Variants in SLC25A48 observed in about 807,000 individuals in gnomAD.
SLC25A48 encodes the protein solute carrier family 25 member 48.
A neutral mutation model predicts 32.2 loss-of-function variants in SLC25A48; 29 were observed. The ratio of observed to expected loss-of-function variants is 0.90; its 90% confidence interval spans 0.67 to 1.23. SLC25A48 has a LOEUF of 1.23. Ranked by LOEUF, SLC25A48 falls within the 50% of genes most tolerant of loss-of-function variation. SLC25A48 has a pLI of 0.00. For missense variants in SLC25A48, 399 were observed against 422.7 expected (o/e 0.94, Z 0.49); for synonymous variants, 164 against 172.3 (o/e 0.95, Z 0.38).
intron 7 of SLC25A48, among the ~76,000 whole-genome samples, chr5:135,886,515 CA>C (rs979331740): frequency 4.8e-5 from 7 of 146,060 alleles, no homozygotes; most frequent in African/African-American, 1.0e-4. Context: ...CTGGAGAGGG[CA>C]ATCTTGTGGA....
intron 3 of SLC25A48, among the ~76,000 whole-genome samples, chr5:135,753,214 C>T (rs575817544): frequency 6.6e-6 from 1 of 151,822 alleles, no homozygotes; most frequent in African/African-American, 2.4e-5. Context: ...ATGTGTACAC[C>T]CACTGTGATA....
chr5:135,678,046 C>G (rs1315539783), intron 3 of SLC25A48, among the ~76,000 whole-genome samples: 1 of 152,162 alleles, frequency 6.6e-6, no homozygotes, highest in African/African-American at 2.4e-5. Context: ...CCTCCTGTAT[C>G]TGGATGTCTA....
chr5:135,793,834 C>T (rs1264859605), intron 3 of SLC25A48, among the ~76,000 whole-genome samples: 35 of 150,988 alleles, frequency 2.3e-4, no homozygotes, highest in Non-Finnish European at 4.9e-4. Context: ...TGTGTACACT[C>T]TGGGATATTA....
At chr5:135,687,558 A>T (rs1209614645) in intron 3 of SLC25A48, among the ~76,000 whole-genome samples, 3 of 152,084 alleles carry the variant, frequency 2.0e-5, no homozygotes, top group Non-Finnish European at 2.9e-5. Flanking sequence ...AATTCAGGTC[A>T]AGTCTTTTTT....
At chr5:135,708,116 G>A (rs1463204628) in intron 3 of SLC25A48, among the ~76,000 whole-genome samples, 1 of 152,164 alleles carries the variant, frequency 6.6e-6, no homozygotes, top group African/African-American at 2.4e-5. Context: ...GGCAGCAGGG[G>A]CCTGGGATAG....
intron 3 of SLC25A48, among the ~76,000 whole-genome samples, chr5:135,753,607 C>G (rs901331716): frequency 1.3e-5 from 2 of 151,502 alleles, no homozygotes; most frequent in Non-Finnish European, 2.9e-5. Flanking sequence ...CCTGATATAA[C>G]AGGGTGTACA....
intron 4 of SLC25A48, among the ~76,000 whole-genome samples, chr5:135,853,246 T>C (rs1467589766): frequency 6.6e-6 from 1 of 152,134 alleles, no homozygotes; most frequent in African/African-American, 2.4e-5. Context: ...CTGATCAGGG[T>C]TGTTGTTGCT....
intron 3 of SLC25A48, among the ~76,000 whole-genome samples, chr5:135,639,117 T>A (rs1056381656): frequency 6.6e-6 from 1 of 152,206 alleles, no homozygotes; most frequent in African/African-American, 2.4e-5. Flanking sequence ...AAAAATGATA[T>A]TCAGATACCA....
chr5:135,716,922 C>A (rs1439868371), intron 3 of SLC25A48, among the ~76,000 whole-genome samples: 1 of 152,170 alleles, frequency 6.6e-6, no homozygotes, highest in African/African-American at 2.4e-5. Flanking sequence ...CTAATCACTC[C>A]TTCCCATAAA....
At chr5:135,756,443 G>A (rs1350461565) in intron 3 of SLC25A48, among the ~76,000 whole-genome samples, 2 of 152,062 alleles carry the variant, frequency 1.3e-5, no homozygotes, top group Non-Finnish European at 2.9e-5. Context: ...CCAGGCCAAG[G>A]TGGGTGGATC....
Position 135,888,061 on chromosome 5 carries a change from C to T in SLC25A48, c.*37C>T. The T allele has an allele frequency of 6.4e-7, 1 of 1,551,624 alleles. No individual in the cohort carries two copies. The highest frequency in any genetic ancestry group is 2.4e-5 in the East Asian group (1 of 40,924). Reference sequence around the variant, plus strand: ...TGAACACAGGATGACTACAGTGTTCCCTGGGCCTCATCTCTGCATGTGAAG... The same window carrying T: ...TGAACACAGGATGACTACAGTGTTCTCTGGGCCTCATCTCTGCATGTGAAG... On this transcript the variant is annotated 3_prime_UTR_variant, in exon 8 of 8. Transcript: ENST00000681962.
intron 3 of SLC25A48, among the ~76,000 whole-genome samples, chr5:135,772,518 G>A (rs917448961): frequency 9.9e-5 from 15 of 151,542 alleles, no homozygotes; most frequent in African/African-American, 2.9e-4. Context: ...ATATTGCAGC[G>A]AGTGTACGCC....
intron 4 of SLC25A48, among the ~76,000 whole-genome samples, chr5:135,814,624 C>T (rs1285266300): frequency 2.0e-5 from 3 of 152,192 alleles, no homozygotes; most frequent in Non-Finnish European, 4.4e-5. Context: ...GCACAGGCTC[C>T]GGAGTCAGAG....
chr5:135,859,498 C>G (rs1008776873), intron 4 of SLC25A48, among the ~76,000 whole-genome samples: 1 of 152,184 alleles, frequency 6.6e-6, no homozygotes, highest in Non-Finnish European at 1.5e-5. Flanking sequence ...AATCATATCG[C>G]CTCCCCTGGC....
At chr5:135,785,512 C>A (rs1169146137) in intron 3 of SLC25A48, among the ~76,000 whole-genome samples, 1 of 145,208 alleles carries the variant, frequency 6.9e-6, no homozygotes, top group Non-Finnish European at 1.5e-5. Flanking sequence ...CACCATGGGG[C>A]AGGGTGTGGA....
At chr5:135,786,716 T>G (rs1756857474) in intron 3 of SLC25A48, among the ~76,000 whole-genome samples, 1 of 150,472 alleles carries the variant, frequency 6.6e-6, no homozygotes, top group Admixed American at 6.6e-5. Flanking sequence ...TGACACTGTT[T>G]GTAATATCCT....
At chr5:135,628,797 C>T (rs756709178) in intron 1 of SLC25A48, among the ~76,000 whole-genome samples, 9 of 152,282 alleles carry the variant, frequency 5.9e-5, no homozygotes, top group Middle Eastern at 6.8e-3. Context: ...TGTCCTCCCT[C>T]CCTCCTATTT....
At chr5:135,840,563 ACTCC>A (rs1758907481) in intron 1 of SLC25A48, among the ~76,000 whole-genome samples, 2 of 152,074 alleles carry the variant, frequency 1.3e-5, no homozygotes, top group Non-Finnish European at 2.9e-5. Flanking sequence ...TTCAAGAGTC[ACTCC>A]CATTTCCACC....
chr5:135,843,233 G>A lies in SLC25A48; in HGVS notation c.90+774G>A, dbSNP rs148094984. ...AGGGGGATGGCAGGCAGGACCCAGT[G>A]CTGGGAGATGGGCACACAAAGTGGT... is the stretch of plus-strand genomic sequence containing the variant. On this transcript the variant is annotated intron_variant, in intron 2 of 7. Coordinates refer to ENST00000681962, the MANE Select transcript of SLC25A48 (RefSeq NM_001349336.2). Among the ~76,000 whole-genome samples, 748 of 152,318 alleles carry A rather than the reference G, an allele frequency of 4.9e-3. 3 individuals carry two copies. The highest frequency in any genetic ancestry group is 0.017 in the African/African-American group (721 of 41,568).
Sources: gnomAD v4.1 joint callset for allele counts (sites outside exome capture counted in the v4.1 genomes callset) on GRCh38, gnomAD v4.1.1 for gene constraint, MANE v1.5 for transcripts, NCBI Gene and HGNC (gene_info 2026-07-23, HGNC 2026-07-21) for gene names.